NEGR1: variants seen among roughly 807,000 people sequenced by gnomAD.
The protein encoded by NEGR1 is IgLON family member 4.
A neutral mutation model predicts 40.9 loss-of-function variants in NEGR1; 10 were observed. The ratio of observed to expected loss-of-function variants is 0.24; its 90% CI spans 0.15 to 0.42. NEGR1 has a LOEUF of 0.42. Among genes scored for constraint, NEGR1 ranks in the 10% least tolerant of loss-of-function variants. The pLI, the probability that NEGR1 is intolerant of heterozygous loss-of-function variation, is 1.00. For missense variants in NEGR1, 352 were observed against 438.9 expected (o/e 0.80, Z 1.77); for synonymous variants, 185 against 166.8 (o/e 1.11, Z -0.84).
chr1:71,801,629 T>A (rs1321971114), intron 2 of NEGR1, among the ~76,000 whole-genome samples: 1 of 152,184 alleles, frequency 6.6e-6, no homozygotes, highest in Admixed American at 6.5e-5. Flanking sequence ...ACACTCCACA[T>A]ATATTATCAG....
At chr1:72,204,981 A>G (rs1036576252) in intron 1 of NEGR1, among the ~76,000 whole-genome samples, 4 of 152,134 alleles carry the variant, frequency 2.6e-5, no homozygotes, top group Non-Finnish European at 4.4e-5. Flanking sequence ...CCTGTGGAAT[A>G]TGATATAAAA....
At chr1:71,564,468 C>T (rs1648556465) in intron 6 of NEGR1, among the ~76,000 whole-genome samples, 1 of 151,954 alleles carries the variant, frequency 6.6e-6, no homozygotes, top group East Asian at 1.9e-4. Flanking sequence ...CACAAAAGAA[C>T]AAAAAATAAA....
intron 2 of NEGR1, among the ~76,000 whole-genome samples, chr1:71,918,195 C>T (rs1186021600): frequency 5.7e-5 from 6 of 106,096 alleles, no homozygotes; most frequent in East Asian, 2.7e-4. Context: ...CTAGCCTGGG[C>T]GACAGAACGA....
chr1:72,008,964 C>A (rs1646633011), intron 1 of NEGR1, among the ~76,000 whole-genome samples: 1 of 147,324 alleles, frequency 6.8e-6, no homozygotes. Flanking sequence ...GTTAATTTAC[C>A]ATTAAACTTC....
intron 2 of NEGR1, among the ~76,000 whole-genome samples, chr1:71,786,759 T>TC (rs1421857970): frequency 6.6e-6 from 1 of 152,134 alleles, no homozygotes; most frequent in Admixed American, 6.6e-5. Context: ...TCTCTCCCCT[T>TC]CCCCACCTCA....
chr1:71,707,368 C>A (rs1437572737), intron 3 of NEGR1, among the ~76,000 whole-genome samples: 3 of 152,178 alleles, frequency 2.0e-5, no homozygotes, highest in Non-Finnish European at 4.4e-5. Flanking sequence ...TGAGAGTGCT[C>A]CTCATGGCCA....
intron 1 of NEGR1, among the ~76,000 whole-genome samples, chr1:71,995,154 T>C (rs1646493515): frequency 6.6e-6 from 1 of 152,144 alleles, no homozygotes; most frequent in Non-Finnish European, 1.5e-5. Context: ...TCCGTGGTAA[T>C]AGTTAAATCA....
At chr1:71,919,023 G>T (rs1312018587) in intron 2 of NEGR1, among the ~76,000 whole-genome samples, 2 of 152,018 alleles carry the variant, frequency 1.3e-5, no homozygotes, top group African/African-American at 4.8e-5. Flanking sequence ...AATATAAATA[G>T]ATGCATTATT....
intron 6 of NEGR1, among the ~76,000 whole-genome samples, chr1:71,510,474 C>A (rs1647065223): frequency 6.6e-6 from 1 of 152,138 alleles, no homozygotes; most frequent in African/African-American, 2.4e-5. Flanking sequence ...TGCCAGCCGG[C>A]CTACAAATGT....
At chr1:72,143,914 A>ATATATATTATAC (rs1491498187) in intron 1 of NEGR1, among the ~76,000 whole-genome samples, 1 of 130,614 alleles carries the variant, frequency 7.7e-6, no homozygotes, top group East Asian at 2.1e-4. Context: ...TGATATATAT[A>ATATATATTATAC]ATATATATAT....
chr1:71,918,746 C>A (rs1414510527), intron 2 of NEGR1, among the ~76,000 whole-genome samples: 1 of 151,754 alleles, frequency 6.6e-6, no homozygotes, highest in Non-Finnish European at 1.5e-5. Flanking sequence ...GTGTTGTTAT[C>A]CTGACATTTC....
chr1:71,780,102 G>A (rs909241345), intron 2 of NEGR1, among the ~76,000 whole-genome samples: 8 of 137,654 alleles, frequency 5.8e-5, no homozygotes, highest in Admixed American at 2.2e-4. Flanking sequence ...TAAAAATAAT[G>A]TACTATTCTA....
At chr1:72,150,943 CCAA>C (rs1240565425) in intron 1 of NEGR1, among the ~76,000 whole-genome samples, 1 of 151,522 alleles carries the variant, frequency 6.6e-6, no homozygotes, top group African/African-American at 2.4e-5. Flanking sequence ...AGGTAATGGC[CCAA>C]CAACAACTCC....
At chr1:72,111,069 T>C (rs988876530) in intron 1 of NEGR1, among the ~76,000 whole-genome samples, 3 of 109,792 alleles carry the variant, frequency 2.7e-5, no homozygotes, top group Non-Finnish European at 3.8e-5. Flanking sequence ...GATATATACA[T>C]ACACATATAT....
chr1:72,235,184 A>C (rs1654507182), intron 1 of NEGR1, among the ~76,000 whole-genome samples: 1 of 152,146 alleles, frequency 6.6e-6, no homozygotes, highest in Admixed American at 6.6e-5. Flanking sequence ...TATCACCGCA[A>C]ATTTCAGAAG....
chr1:71,746,396 AG>A (rs1486123531), intron 3 of NEGR1, among the ~76,000 whole-genome samples: 4 of 152,210 alleles, frequency 2.6e-5, no homozygotes, highest in Admixed American at 1.3e-4. Flanking sequence ...AAACTTAGAT[AG>A]GTGTTTCAGC....
intron 1 of NEGR1, among the ~76,000 whole-genome samples, chr1:72,174,356 T>C (rs1652083893): frequency 6.6e-6 from 1 of 152,206 alleles, no homozygotes; most frequent in African/African-American, 2.4e-5. Flanking sequence ...CCAAAGTTCA[T>C]AATTTATATT....
At position 71,994,878 on chromosome 1, in the gene NEGR1, T is replaced by C. The variant is rs183026277; in HGVS notation, c.177-59567A>G. ...AATTTTTTTCACTCTTACCTTGACTTGTGTAGTAGCATCTGCAGCTGGCAC... is the reference window on the plus strand; with the variant it reads ...AATTTTTTTCACTCTTACCTTGACTCGTGTAGTAGCATCTGCAGCTGGCAC... On this transcript the variant is annotated intron_variant, in intron 1 of 6. Transcript: ENST00000357731. 5.3e-5 allele frequency among the ~76,000 whole-genome samples: 8 copies of C among 152,048 alleles called. No individual in the cohort carries two copies. In the East Asian group the frequency reaches 1.6e-3, roughly 30 times the overall value.
At chr1:71,998,772 T>A (rs116196241) in intron 1 of NEGR1, among the ~76,000 whole-genome samples, 1,871 of 151,374 alleles carry the variant, frequency 0.012, 15 homozygotes, top group Non-Finnish European at 0.019. Flanking sequence ...TAATCTCAAC[T>A]ATATATTGGA....
Sources: gnomAD v4.1 joint callset for allele counts (sites outside exome capture counted in the v4.1 genomes callset) on GRCh38, gnomAD v4.1.1 for gene constraint, MANE v1.5 for transcripts, NCBI Gene and HGNC (gene_info 2026-07-23, HGNC 2026-07-21) for gene names.